ATG7: variants seen among roughly 807,000 people sequenced by gnomAD.
ATG7 encodes autophagy related 7.
ATG7 carries 70 observed loss-of-function variants against 82.4 expected under a neutral mutation model. The ratio of observed to expected loss-of-function variants is 0.85; its 90% CI spans 0.70 to 1.04. The LOEUF (loss-of-function observed/expected upper bound fraction) is 1.04, where lower values mean the gene tolerates loss of function less well. Ranked by LOEUF, ATG7 falls within the 50% of genes least tolerant of loss-of-function variation. ATG7 has a pLI of 0.00. For synonymous variants in ATG7, 287 were observed against 313.0 expected (o/e 0.92, Z 0.88); for missense variants, 792 against 864.3 (o/e 0.92, Z 1.05).
intron 20 of ATG7, among the ~76,000 whole-genome samples, chr3:11,504,801 A>C (rs891060276): frequency 5.9e-5 from 9 of 152,246 alleles, no homozygotes; most frequent in African/African-American, 2.2e-4. Flanking sequence ...TGGCTTACCT[A>C]GATACAGCAA....
chr3:11,553,879 C>T (rs760551701), intron 20 of ATG7, among the ~76,000 whole-genome samples: 7 of 152,234 alleles, frequency 4.6e-5, no homozygotes, highest in African/African-American at 7.2e-5. Context: ...GGGCCAGCCT[C>T]GTGTAAACAT....
At chr3:11,324,264 T>A (rs1950573690) in intron 9 of ATG7, among the ~76,000 whole-genome samples, 1 of 152,250 alleles carries the variant, frequency 6.6e-6, no homozygotes, top group Non-Finnish European at 1.5e-5. Flanking sequence ...AAATATTTTT[T>A]AAAAAATTCT....
intron 20 of ATG7, among the ~76,000 whole-genome samples, chr3:11,455,345 A>C (rs1227134575): frequency 6.6e-6 from 1 of 152,176 alleles, no homozygotes. Flanking sequence ...CAGAATGATG[A>C]CAATTCTAGA....
intron 18 of ATG7, among the ~76,000 whole-genome samples, chr3:11,372,132 C>A (rs1559488684): frequency 6.6e-6 from 1 of 151,366 alleles, no homozygotes; most frequent in Non-Finnish European, 1.5e-5. Context: ...CATCTGACAA[C>A]AGGGATTTCC....
chr3:11,379,469 C>T (rs750495953), intron 18 of ATG7, among the ~76,000 whole-genome samples: 2 of 152,162 alleles, frequency 1.3e-5, no homozygotes, highest in Non-Finnish European at 2.9e-5. Flanking sequence ...TCTATCTGTT[C>T]CAAATCAAGC....
In ATG7 at chr3:11,378,339, A is replaced by G. The variant is rs143034218; in HGVS notation, c.1876-1633A>G. On this transcript the variant is annotated intron_variant, in intron 18 of 20. Coordinates refer to ENST00000693202, the MANE Select transcript of ATG7 (RefSeq NM_001349232.2). ...GCCAAATTTTTAAAATGTCTTTATC[A>G]ATATGCTATGTGTTTTTTAATGCAA... is the stretch of plus-strand genomic sequence containing the variant. 2.6e-5 allele frequency among the ~76,000 whole-genome samples: 4 copies of G among 151,302 alleles called. No individual in the cohort carries two copies. The East Asian group carries it at 7.9e-4, about 30-fold the overall frequency.
chr3:11,415,221 T>A (rs1003510966), intron 19 of ATG7, among the ~76,000 whole-genome samples: 7 of 152,204 alleles, frequency 4.6e-5, no homozygotes, highest in Non-Finnish European at 8.8e-5. Context: ...AAGATTTTTT[T>A]AAAATGGTAC....
Position 11,515,346 on chromosome 3 carries a change from T to A in ATG7, c.2080-39465T>A, listed in dbSNP as rs184397268. On this transcript the variant is annotated intron_variant, in intron 20 of 20. Coordinates refer to ENST00000693202, the MANE Select transcript of ATG7 (RefSeq NM_001349232.2). ...TGAGACAGAGTCTCGCTCTGTTGCC[T>A]AGGCTGGAGTGCAGTGGCACGATCT... Among the ~76,000 whole-genome samples, 186 of 150,586 alleles carry A rather than the reference T, an allele frequency of 1.2e-3. 4 individuals carry two copies. Among genetic ancestry groups the A allele is most frequent in the Admixed American group, 0.011 (172 of 15,162 alleles).
chr3:11,345,732 T>C (rs1954433334), intron 13 of ATG7, among the ~76,000 whole-genome samples: 1 of 152,136 alleles, frequency 6.6e-6, no homozygotes, highest in South Asian at 2.1e-4. Context: ...CTGTCTCATT[T>C]TGCTTTCAGA....
chr3:11,561,136 G>C (rs2072957106), downstream of ATG7, among the ~76,000 whole-genome samples: 1 of 151,920 alleles, frequency 6.6e-6, no homozygotes, highest in Non-Finnish European at 1.5e-5. Flanking sequence ...CCCCCCCCCA[G>C]GGTCCTCCCA....
At chr3:11,464,774 C>G (rs556370502) in intron 20 of ATG7, among the ~76,000 whole-genome samples, 1 of 152,116 alleles carries the variant, frequency 6.6e-6, no homozygotes, top group Non-Finnish European at 1.5e-5. Flanking sequence ...GGAGTCTGAC[C>G]CCCTATTTTC....
At chr3:11,389,090 AT>A (rs1002601722) in intron 19 of ATG7, among the ~76,000 whole-genome samples, 6 of 151,978 alleles carry the variant, frequency 3.9e-5, no homozygotes, top group African/African-American at 1.5e-4. Flanking sequence ...TCTACTAAAA[AT>A]ACAAAAATTA....
At chr3:11,564,701 A>ACCACCTCCCTCCCTCC in the ATG7 span, 1 of 1,419,942 alleles carries the variant, frequency 7.0e-7, no homozygotes, top group Non-Finnish European at 9.5e-7. Flanking sequence ...TCCCTCCCTC[A>ACCACCTCCCTCCCTCC]CCACCGCCCT....
intron 19 of ATG7, among the ~76,000 whole-genome samples, chr3:11,422,486 A>ATTTTTTTT (rs2082012013): frequency 1.3e-5 from 2 of 152,124 alleles, no homozygotes; most frequent in Admixed American, 1.3e-4. Context: ...AAGTAAAGGG[A>ATTTTTTTT]CTTTTAGCTT....
At chr3:11,522,603 A>G (rs946984741) in intron 20 of ATG7, among the ~76,000 whole-genome samples, 1 of 152,162 alleles carries the variant, frequency 6.6e-6, no homozygotes, top group Non-Finnish European at 1.5e-5. Context: ...ACCAGAAGGA[A>G]TCGTGCCCCA....
chr3:11,522,749 C>T (rs1044640373), intron 20 of ATG7, among the ~76,000 whole-genome samples: 2 of 152,236 alleles, frequency 1.3e-5, no homozygotes, highest in African/African-American at 4.8e-5. Context: ...TCGTAACCTT[C>T]AAAATCGCCT....
chr3:11,497,357 C>CTATATATATATATATATATATA (rs58838386), intron 20 of ATG7, among the ~76,000 whole-genome samples: 111 of 57,310 alleles, frequency 1.9e-3, no homozygotes, highest in Non-Finnish European at 2.6e-3. Flanking sequence ...ACTAAAAATA[C>CTATATATATATATATATATATA]TATATATATA....
chr3:11,292,098 G>C (rs1469540942), intron 3 of ATG7, among the ~76,000 whole-genome samples: 1 of 152,172 alleles, frequency 6.6e-6, no homozygotes, highest in Non-Finnish European at 1.5e-5. Context: ...CGTAGCAGTG[G>C]GAATGGAGAG....
chr3:11,348,248 G>T, intron 14 of ATG7: 1 of 586,064 alleles, frequency 1.7e-6, no homozygotes, highest in East Asian at 3.2e-5. Flanking sequence ...CAATCCCAGT[G>T]TGTCTGGAGT....
Sources: gnomAD v4.1 joint callset for allele counts (sites outside exome capture counted in the v4.1 genomes callset) on GRCh38, gnomAD v4.1.1 for gene constraint, MANE v1.5 for transcripts, NCBI Gene and HGNC (gene_info 2026-07-23, HGNC 2026-07-21) for gene names.